The following HTATIP2 variants were observed in gnomAD, a reference collection of about 807,000 sequenced individuals.
The protein encoded by HTATIP2 is HIV-1 Tat interactive protein 2.
A neutral mutation model predicts 24.7 loss-of-function variants in HTATIP2; 26 were observed. That is an observed-to-expected ratio of 1.05 (90% confidence interval 0.77 to 1.46). The LOEUF is 1.46. Among genes scored for constraint, HTATIP2 ranks in the 40% most tolerant of loss-of-function variants. The pLI is 0.00. For missense variants in HTATIP2, 284 were observed against 289.6 expected (o/e 0.98, Z 0.14); for synonymous variants, 99 against 113.2 (o/e 0.87, Z 0.79).
chr11:20,367,305 C>G, intron 2 of HTATIP2, 24 bp downstream of exon 2: 1 of 1,613,624 alleles, frequency 6.2e-7, no homozygotes, highest in Admixed American at 1.7e-5. Flanking sequence ...ATGCTCTTTT[C>G]CCTTTTTGCT....
At chr11:20,378,649 G>A (rs1399543529) in intron 3 of HTATIP2, among the ~76,000 whole-genome samples, 2 of 152,178 alleles carry the variant, frequency 1.3e-5, no homozygotes, top group East Asian at 3.8e-4. Flanking sequence ...GATTTAACCA[G>A]ATTTTTAAAA....
At chr11:20,374,827 A>G (rs1848418823) in intron 2 of HTATIP2, among the ~76,000 whole-genome samples, 4 of 152,240 alleles carry the variant, frequency 2.6e-5, no homozygotes, top group Admixed American at 6.5e-5. Context: ...TGACTGGTGA[A>G]ATAAATTCAG....
chr11:20,367,929 C>T (rs1189146234), intron 2 of HTATIP2, among the ~76,000 whole-genome samples: 1 of 152,124 alleles, frequency 6.6e-6, no homozygotes, highest in Non-Finnish European at 1.5e-5. Flanking sequence ...AGTTTACTAC[C>T]TGGATTCTGG....
chr11:20,383,289 G>A lies in HTATIP2; in HGVS notation c.*84G>A, dbSNP rs1295431102. ...TTCAGGGTCTAAAAAAAGTCAGCAT[G>A]TTTTAACTTTGTTGTTTTACTATCC... is the stretch of plus-strand genomic sequence containing the variant. On this transcript the variant is annotated 3_prime_UTR_variant, in exon 5 of 5. Coordinates refer to ENST00000451739, the MANE Select transcript of HTATIP2 (RefSeq NM_001098522.2). 3 of 1,014,266 alleles carry A rather than the reference G, an allele frequency of 3.0e-6. No individual in the cohort carries two copies. The highest frequency in any genetic ancestry group is 2.9e-6 in the Non-Finnish European group (2 of 687,614). 62.8% of individuals were successfully genotyped at this position (1,014,266 alleles called of 1,614,324 possible). A position where few individuals can be genotyped will look rare whatever the true frequency, so the allele number is the denominator to read the frequency against.
In HTATIP2 at chr11:20,383,335, A is replaced by G; in HGVS notation, c.*130A>G. The stretch of plus-strand genomic sequence containing the variant: ...TATCCTCAGGCATCCATTCCAATCA[A>G]GAAATGATGGTGCTCTGCATCAGTG... On this transcript the variant is annotated 3_prime_UTR_variant, in exon 5 of 5. Coordinates refer to ENST00000451739, the MANE Select transcript of HTATIP2 (RefSeq NM_001098522.2). 1.5e-6 allele frequency: 1 copy of G among 667,982 alleles called. No individual in the cohort carries two copies. The highest frequency in any genetic ancestry group is 2.7e-5 in the East Asian group (1 of 36,870). 41.4% of individuals were successfully genotyped at this position (667,982 alleles called of 1,614,324 possible).
intron 1 of HTATIP2, among the ~76,000 whole-genome samples, chr11:20,366,099 CTTTTTT>C (rs746247166): frequency 1.8e-5 from 2 of 108,668 alleles, no homozygotes; most frequent in Admixed American, 2.1e-4. Flanking sequence ...CTTTTCTTTT[CTTTTTT>C]TTTTTTTTTT....
Position 20,363,950 on chromosome 11 carries a change from C to T in HTATIP2, c.-288C>T, listed in dbSNP as rs2064663389. ...CGTATGGGACCGAGCTGGGCCAGGTCTCCTGGCCGGGCCGGGGATACCGTG... is the reference window on the plus strand; with the variant it reads ...CGTATGGGACCGAGCTGGGCCAGGTTTCCTGGCCGGGCCGGGGATACCGTG... On this transcript the variant is annotated 5_prime_UTR_variant, in exon 1 of 5. Coordinates refer to ENST00000451739, the MANE Select transcript of HTATIP2 (RefSeq NM_001098522.2). The T allele has an allele frequency of 4.0e-6, 5 of 1,244,624 alleles. No homozygotes were observed. Among genetic ancestry groups the T allele is most frequent in the Non-Finnish European group, 5.0e-6 (5 of 991,990 alleles). The allele number at this position is 1,244,624 out of a possible 1,614,324, so 77.1% of individuals were successfully genotyped here.
In HTATIP2 at chr11:20,364,165, T is replaced by C. The variant is rs1406047363; in HGVS notation, c.-73T>C. 1.9e-5 allele frequency: 29 copies of C among 1,511,890 alleles called. No homozygotes were observed. Among genetic ancestry groups the C allele is most frequent in the Middle Eastern group, 2.3e-4 (1 of 4,390 alleles). 93.7% of individuals were successfully genotyped at this position (1,511,890 alleles called of 1,614,324 possible). A position where few individuals can be genotyped will look rare whatever the true frequency, so the allele number is the denominator to read the frequency against. The stretch of plus-strand genomic sequence containing the variant: ...CTCCTCCCTAACAGATAAACAGCCC[T>C]TGTTCCTCGGGATAAGGACTGGCAG... On this transcript the variant is annotated 5_prime_UTR_variant, in exon 1 of 5. Transcript: ENST00000451739.
intron 2 of HTATIP2, among the ~76,000 whole-genome samples, chr11:20,368,963 A>G (rs1008784805): frequency 4.6e-5 from 7 of 152,218 alleles, no homozygotes; most frequent in Non-Finnish European, 8.8e-5. Context: ...AGCCTAGACT[A>G]TTCACCTAGC....
intron 1 of HTATIP2, 103 bp downstream of exon 1, chr11:20,364,535 T>G (rs2064674791): frequency 9.7e-7 from 1 of 1,026,030 alleles, no homozygotes; most frequent in Non-Finnish European, 1.4e-6. Flanking sequence ...GTGGGGGTAG[T>G]GAGAGGCCAT....
At chr11:20,369,251 A>G (rs1232477695) in intron 2 of HTATIP2, among the ~76,000 whole-genome samples, 1 of 152,152 alleles carries the variant, frequency 6.6e-6, no homozygotes, top group Non-Finnish European at 1.5e-5. Context: ...TCTGTAGAAA[A>G]AAGTTCGTTG....
chr11:20,365,209 G>A (rs555261761), intron 1 of HTATIP2, among the ~76,000 whole-genome samples: 4 of 152,148 alleles, frequency 2.6e-5, no homozygotes, highest in South Asian at 2.1e-4. Context: ...GGCTGGTCTC[G>A]AACTCTTGAC....
At chr11:20,378,717 G>A (rs757255379) in intron 3 of HTATIP2, among the ~76,000 whole-genome samples, 58 of 152,132 alleles carry the variant, frequency 3.8e-4, no homozygotes, top group Non-Finnish European at 6.9e-4. Flanking sequence ...GTGCATTTGC[G>A]TGGAAACAGG....
intron 3 of HTATIP2, among the ~76,000 whole-genome samples, chr11:20,377,374 C>T (rs1385590824): frequency 3.9e-5 from 6 of 152,126 alleles, no homozygotes; most frequent in African/African-American, 7.2e-5. Context: ...TGAGCCACTG[C>T]GTCTGGCCTC....
rs371982853 is a variant in HTATIP2 at position 20,364,202 on chromosome 11, C to T, written c.-36C>T. On this transcript the variant is annotated 5_prime_UTR_variant, in exon 1 of 5. Transcript: ENST00000451739. Reference sequence around the variant, plus strand: ...ATAAGGACTGGCAGTCCCCTGACACCCTAAGACCGGCATCTGTCGATGTTA... The same window carrying T: ...ATAAGGACTGGCAGTCCCCTGACACTCTAAGACCGGCATCTGTCGATGTTA... 2.4e-5 allele frequency: 37 copies of T among 1,567,764 alleles called. No individual in the cohort carries two copies. Among genetic ancestry groups the T allele is most frequent in the Non-Finnish European group, 3.1e-5 (36 of 1,152,322 alleles).
chr11:20,366,448 A>G (rs1287684732), intron 1 of HTATIP2, among the ~76,000 whole-genome samples: 2 of 152,122 alleles, frequency 1.3e-5, no homozygotes, highest in Non-Finnish European at 2.9e-5. Flanking sequence ...AGTTGACAGT[A>G]AGGATGGAAA....
In HTATIP2 at chr11:20,381,988, C is replaced by T. The variant is rs538677267; in HGVS notation, c.442-190C>T. Among the ~76,000 whole-genome samples the T allele has an allele frequency of 2.1e-3, 326 of 152,282 alleles. 1 individual carries two copies. Among genetic ancestry groups the T allele is most frequent in the Non-Finnish European group, 3.7e-3 (253 of 68,028 alleles). ...AGTGGATCTTTTAAATGAAAGACTA[C>T]ACATCAGGATTAAATGATCTCTTCC... On this transcript the variant is annotated intron_variant, in intron 3 of 4. Transcript: ENST00000451739.
intron 2 of HTATIP2, among the ~76,000 whole-genome samples, chr11:20,370,723 C>T (rs1444635879): frequency 6.6e-6 from 1 of 152,202 alleles, no homozygotes; most frequent in Non-Finnish European, 1.5e-5. Context: ...AATCTCGGCT[C>T]ACTGCAAGCT....
intron 3 of HTATIP2, among the ~76,000 whole-genome samples, chr11:20,380,073 T>C (rs1203527025): frequency 6.6e-6 from 1 of 152,236 alleles, no homozygotes; most frequent in Non-Finnish European, 1.5e-5. Flanking sequence ...GAGAAACTCA[T>C]CTGAGCCTAG....
Sources: allele counts gnomAD v4.1 joint callset (sites outside exome capture counted in the v4.1 genomes callset), GRCh38; gene constraint gnomAD v4.1.1; transcripts MANE v1.5; gene names NCBI Gene and HGNC (gene_info 2026-07-23, HGNC 2026-07-21).